The following PCDH15 variants were observed in gnomAD, a reference collection of about 807,000 sequenced individuals.
PCDH15 encodes the protein protocadherin related 15.
Under a neutral mutation model 178.5 loss-of-function variants are expected in PCDH15, and 129 were observed. That is an observed-to-expected ratio of 0.72 (90% confidence interval 0.63 to 0.84). PCDH15 has a LOEUF of 0.84. PCDH15 is among the 40% of genes least tolerant of loss of function. PCDH15 has a pLI of 0.00. For missense variants in PCDH15, 2,230 were observed against 2,099.9 expected (o/e 1.06, Z -1.21); for synonymous variants, 800 against 732.0 (o/e 1.09, Z -1.50).
At chr10:53,870,830 T>C (rs2079788331) in intron 26 of PCDH15, among the ~76,000 whole-genome samples, 1 of 152,170 alleles carries the variant, frequency 6.6e-6, no homozygotes, top group Non-Finnish European at 1.5e-5. Context: ...TATCTTTAAA[T>C]ACACACTGAG....
intron 2 of PCDH15, among the ~76,000 whole-genome samples, chr10:55,621,920 G>A (rs1292423717): frequency 6.8e-6 from 1 of 148,030 alleles, no homozygotes; most frequent in Non-Finnish European, 1.5e-5. Flanking sequence ...AAAAAATGAG[G>A]AAACGACATT....
chr10:54,981,390 T>C (rs1219521), intron 2 of PCDH15, among the ~76,000 whole-genome samples: 43,621 of 151,986 alleles, frequency 0.29, 6,824 homozygotes, highest in African/African-American at 0.39. Flanking sequence ...TTCTGATGAA[T>C]ACAATTTTTT....
chr10:54,642,259 A>G (rs2094008121), intron 2 of PCDH15, among the ~76,000 whole-genome samples: 4 of 152,204 alleles, frequency 2.6e-5, no homozygotes, highest in Admixed American at 2.6e-4. Context: ...CAAATTTGCT[A>G]GCACCTCGAA....
chr10:54,065,150 G>A (rs1421442222), intron 18 of PCDH15, among the ~76,000 whole-genome samples: 1 of 152,116 alleles, frequency 6.6e-6, no homozygotes, highest in Non-Finnish European at 1.5e-5. Flanking sequence ...CAAAAACTTG[G>A]CAGCCCATTG....
intron 29 of PCDH15, 58 bp downstream of exon 29, chr10:53,840,262 A>T: frequency 6.4e-7 from 1 of 1,555,634 alleles, no homozygotes; most frequent in Non-Finnish European, 8.9e-7. Flanking sequence ...TCAAGTCAGA[A>T]TCATCTATGG....
At chr10:54,269,199 A>C (rs2057894445) in intron 8 of PCDH15, among the ~76,000 whole-genome samples, 1 of 152,016 alleles carries the variant, frequency 6.6e-6, no homozygotes, top group African/African-American at 2.4e-5. Flanking sequence ...AAGGTGATTG[A>C]TAAATGAGAA....
chr10:55,302,568 G>A (rs1843313501), intron 1 of PCDH15, among the ~76,000 whole-genome samples: 1 of 152,062 alleles, frequency 6.6e-6, no homozygotes, highest in Non-Finnish European at 1.5e-5. Flanking sequence ...AGGGGAGCCA[G>A]CCTTTTCTTT....
intron 9 of PCDH15, among the ~76,000 whole-genome samples, chr10:54,220,060 A>T (rs116327786): frequency 6.6e-6 from 1 of 152,122 alleles, no homozygotes; most frequent in Non-Finnish European, 1.5e-5. Context: ...AATATAATTT[A>T]TCATTTGCTT....
chr10:54,943,718 G>T (rs1013187664), intron 2 of PCDH15, among the ~76,000 whole-genome samples: 2 of 151,818 alleles, frequency 1.3e-5, no homozygotes, highest in Non-Finnish European at 2.9e-5. Flanking sequence ...TTCATGTGCA[G>T]AGCAAGTATA....
chr10:54,903,277 C>A (rs1954668093), intron 2 of PCDH15, among the ~76,000 whole-genome samples: 1 of 152,030 alleles, frequency 6.6e-6, no homozygotes, highest in Non-Finnish European at 1.5e-5. Flanking sequence ...TTTGAACATA[C>A]AATTTCAAAT....
At chr10:54,219,174 TTGA>T (rs2052469153) in intron 9 of PCDH15, among the ~76,000 whole-genome samples, 1 of 131,160 alleles carries the variant, frequency 7.6e-6, no homozygotes, top group Non-Finnish European at 1.6e-5. Context: ...ACTGGGGAGG[TTGA>T]GGCAGGAGAA....
chr10:55,262,213 A>G (rs1842163964), intron 1 of PCDH15, among the ~76,000 whole-genome samples: 1 of 146,042 alleles, frequency 6.8e-6, no homozygotes, highest in African/African-American at 2.5e-5. Flanking sequence ...AGGAAGGAAA[A>G]CAAAAGGAAG....
At chr10:53,809,686 C>G in intron 37 of PCDH15, 1 of 818,700 alleles carries the variant, frequency 1.2e-6, no homozygotes, top group South Asian at 1.7e-5. Context: ...AAAATAATCA[C>G]AAAAATTTCT....
intron 3 of PCDH15, among the ~76,000 whole-genome samples, chr10:54,844,570 GA>G (rs1253485233): frequency 3.3e-5 from 5 of 151,834 alleles, no homozygotes; most frequent in Non-Finnish European, 7.4e-5. Context: ...ATTTATGATG[GA>G]TTTTCTTCAC....
intron 2 of PCDH15, among the ~76,000 whole-genome samples, chr10:54,653,689 G>A (rs759438161): frequency 1.3e-5 from 2 of 152,028 alleles, no homozygotes; most frequent in African/African-American, 2.4e-5. Flanking sequence ...TGCTGCAAAC[G>A]GATACACATC....
intron 3 of PCDH15, among the ~76,000 whole-genome samples, chr10:54,810,336 G>C (rs1279507073): frequency 2.0e-5 from 3 of 151,966 alleles, no homozygotes; most frequent in African/African-American, 7.2e-5. Flanking sequence ...ATTACAGTTT[G>C]CTATGTGACC....
chr10:55,404,740 C>T (rs1002152882), intron 2 of PCDH15, among the ~76,000 whole-genome samples: 2 of 151,630 alleles, frequency 1.3e-5, no homozygotes, highest in South Asian at 2.1e-4. Context: ...AATATAGATG[C>T]TTAATTTGTG....
intron 5 of PCDH15, among the ~76,000 whole-genome samples, chr10:54,359,271 A>AAAAAAAAC: frequency 6.6e-6 from 1 of 150,932 alleles, no homozygotes; most frequent in East Asian, 1.9e-4. Context: ...AAAAACTAAA[A>AAAAAAAAC]AAAAACAAAA....
chr10:54,311,094 T>A (rs1033565293), intron 8 of PCDH15, among the ~76,000 whole-genome samples: 1 of 152,078 alleles, frequency 6.6e-6, no homozygotes, highest in African/African-American at 2.4e-5. Context: ...AGCTAGATTT[T>A]TTAAGACAAA....
Sources: allele counts gnomAD v4.1 joint callset (sites outside exome capture counted in the v4.1 genomes callset), GRCh38; gene constraint gnomAD v4.1.1; transcripts MANE v1.5; gene names NCBI Gene and HGNC (gene_info 2026-07-23, HGNC 2026-07-21).